The following RAP1GAP2 variants were observed in gnomAD, a reference collection of about 807,000 sequenced individuals.
RAP1GAP2 encodes rap1 GTPase-activating protein 2.
A neutral mutation model predicts 95.0 loss-of-function variants in RAP1GAP2; 27 were observed. The ratio of observed to expected loss-of-function variants is 0.28; its 90% CI spans 0.21 to 0.39. The LOEUF (loss-of-function observed/expected upper bound fraction) is 0.39, where lower values mean the gene tolerates loss of function less well. Ranked by LOEUF, RAP1GAP2 falls within the 10% of genes least tolerant of loss-of-function variation. RAP1GAP2 has a pLI of 1.00. For synonymous variants in RAP1GAP2, 373 were observed against 380.9 expected (o/e 0.98, Z 0.24); for missense variants, 771 against 970.0 (o/e 0.79, Z 2.72).
At position 2,895,650 on chromosome 17, in the gene RAP1GAP2, T is replaced by C. The variant is rs1004245002; in HGVS notation, c.81-9634T>C. Among the ~76,000 whole-genome samples, 152 of 151,924 alleles carry C rather than the reference T, an allele frequency of 1.0e-3. 1 individual carries two copies. Among genetic ancestry groups the C allele is most frequent in the African/African-American group, 3.1e-3 (128 of 41,454 alleles). ...GGAGTGCAGTGGCGCGATCTCGGCT[T>C]ACTGCAACCTCCGCCTCCCGGGTTC... On this transcript the variant is annotated intron_variant, in intron 2 of 24. Coordinates refer to ENST00000254695, the MANE Select transcript of RAP1GAP2 (RefSeq NM_015085.5).
chr17:3,015,145 GCTGA>G (rs1210296737), intron 17 of RAP1GAP2, among the ~76,000 whole-genome samples: 18 of 152,284 alleles, frequency 1.2e-4, no homozygotes, highest in Admixed American at 8.5e-4. Context: ...AATAGAACGC[GCTGA>G]CTGTTTTAAC....
chr17:2,795,749 G>A (rs1401508189), upstream of RAP1GAP2, among the ~76,000 whole-genome samples: 1 of 152,238 alleles, frequency 6.6e-6, no homozygotes. Flanking sequence ...GGCTTTGTCA[G>A]TATGTGAGAA....
upstream of RAP1GAP2, among the ~76,000 whole-genome samples, chr17:2,774,834 T>TCC (rs879902249): frequency 0.19 from 23,278 of 125,818 alleles, 2,030 homozygotes; most frequent in African/African-American, 0.27. Context: ...TTTTTTTTTT[T>TCC]CCCCAAGATG....
chr17:2,770,959 A>G (rs2068378895), intron 2 of RAP1GAP2, among the ~76,000 whole-genome samples: 1 of 152,144 alleles, frequency 6.6e-6, no homozygotes, highest in African/African-American at 2.4e-5. Context: ...AGACAGGAGA[A>G]TCTCTTGAAC....
chr17:2,758,514 C>A (rs769330193), intron 1 of RAP1GAP2, among the ~76,000 whole-genome samples: 3 of 152,052 alleles, frequency 2.0e-5, no homozygotes, highest in Non-Finnish European at 4.4e-5. Context: ...TTGGGGTCAC[C>A]CCTCACCCCA....
intron 2 of RAP1GAP2, among the ~76,000 whole-genome samples, chr17:2,860,691 C>T (rs183001282): frequency 6.7e-6 from 1 of 149,596 alleles, no homozygotes; most frequent in East Asian, 2.0e-4. Flanking sequence ...GCAGCCTCCG[C>T]CTCCTGGGTT....
At chr17:2,845,697 C>A (rs1475068036) in intron 2 of RAP1GAP2, among the ~76,000 whole-genome samples, 2 of 150,964 alleles carry the variant, frequency 1.3e-5, no homozygotes, top group East Asian at 4.0e-4. Flanking sequence ...CCCATTTCTA[C>A]TCAAAATACA....
chr17:2,924,610 G>A (rs1404008788), intron 3 of RAP1GAP2, among the ~76,000 whole-genome samples: 1 of 152,084 alleles, frequency 6.6e-6, no homozygotes, highest in Non-Finnish European at 1.5e-5. Context: ...TGGCATTAGA[G>A]GTGGAGGGGG....
intron 2 of RAP1GAP2, among the ~76,000 whole-genome samples, chr17:2,888,287 T>G (rs2073569913): frequency 6.6e-6 from 1 of 152,198 alleles, no homozygotes; most frequent in Non-Finnish European, 1.5e-5. Context: ...ACGTTCAAAA[T>G]CTGCTCTTCT....
intron 2 of RAP1GAP2, among the ~76,000 whole-genome samples, chr17:2,822,928 C>T (rs979136221): frequency 1.3e-5 from 2 of 152,124 alleles, no homozygotes; most frequent in African/African-American, 4.8e-5. Context: ...GCCTGACCAA[C>T]ATGGTGAAAC....
chr17:2,853,921 C>T (rs2072008730), intron 2 of RAP1GAP2: 11 of 981,126 alleles, frequency 1.1e-5, no homozygotes, highest in Non-Finnish European at 1.2e-5. Context: ...GGCTCAGGGG[C>T]CGGGTGCGGA....
At chr17:2,980,497 T>C in intron 9 of RAP1GAP2, 132 bp downstream of exon 9, 1 of 841,044 alleles carries the variant, frequency 1.2e-6, no homozygotes, top group Non-Finnish European at 2.0e-6. Flanking sequence ...TCTTTGGCCA[T>C]TGACTGCACT....
chr17:2,942,907 A>G (rs564916202), intron 3 of RAP1GAP2, among the ~76,000 whole-genome samples: 1 of 152,190 alleles, frequency 6.6e-6, no homozygotes, highest in South Asian at 2.1e-4. Context: ...AGCTGGGATG[A>G]CAGGCACTCA....
intron 3 of RAP1GAP2, among the ~76,000 whole-genome samples, chr17:2,936,381 C>T (rs1284590431): frequency 6.6e-6 from 1 of 151,336 alleles, no homozygotes; most frequent in Non-Finnish European, 1.5e-5. Flanking sequence ...CTGGTCTCTG[C>T]TCATGACCCT....
chr17:2,759,742 C>T (rs542777275), intron 1 of RAP1GAP2, among the ~76,000 whole-genome samples: 23 of 152,204 alleles, frequency 1.5e-4, no homozygotes, highest in Non-Finnish European at 2.1e-4. Context: ...TGAGCCACCG[C>T]GCCCGGCCAA....
chr17:2,828,516 A>C (rs2070688154), intron 2 of RAP1GAP2, among the ~76,000 whole-genome samples: 1 of 151,616 alleles, frequency 6.6e-6, no homozygotes, highest in South Asian at 2.1e-4. Flanking sequence ...TGGTGGGAAC[A>C]GGCTTGGCAG....
At chr17:2,806,493 A>G (rs990334434) in intron 2 of RAP1GAP2, among the ~76,000 whole-genome samples, 3 of 150,880 alleles carry the variant, frequency 2.0e-5, no homozygotes, top group African/African-American at 7.3e-5. Flanking sequence ...CCTGGGTTCA[A>G]GCGATTCTCC....
At chr17:2,875,989 G>T (rs2073080232) in intron 2 of RAP1GAP2, among the ~76,000 whole-genome samples, 1 of 151,434 alleles carries the variant, frequency 6.6e-6, no homozygotes, top group South Asian at 2.1e-4. Context: ...CCAGGCTGGA[G>T]TGCAATGATG....
intron 2 of RAP1GAP2, among the ~76,000 whole-genome samples, chr17:2,818,316 TA>T (rs1339303325): frequency 1.4e-5 from 2 of 146,898 alleles, no homozygotes; most frequent in African/African-American, 5.2e-5. Flanking sequence ...TTTATTTATT[TA>T]TTTATTTATT....
Sources: gnomAD v4.1 joint callset for allele counts (sites outside exome capture counted in the v4.1 genomes callset) on GRCh38, gnomAD v4.1.1 for gene constraint, MANE v1.5 for transcripts, NCBI Gene and HGNC (gene_info 2026-07-23, HGNC 2026-07-21) for gene names.